B4GALNT3: variants seen among roughly 807,000 people sequenced by gnomAD.
B4GALNT3 encodes beta-1,4-N-acetyl-galactosaminyltransferase 3.
A neutral mutation model predicts 120.2 loss-of-function variants in B4GALNT3; 86 were observed. The observed-to-expected ratio is 0.72, with a 90% CI of 0.60 to 0.86. The LOEUF (loss-of-function observed/expected upper bound fraction) is 0.86, where lower values mean the gene tolerates loss of function less well. Ranked by LOEUF, B4GALNT3 falls within the 40% of genes least tolerant of loss-of-function variation. The pLI is 0.00. For synonymous variants in B4GALNT3, 518 were observed against 510.4 expected (o/e 1.01, Z -0.20); for missense variants, 1,167 against 1,298.9 (o/e 0.90, Z 1.56).
chr12:511,503 C>T (rs1946559717), intron 1 of B4GALNT3, among the ~76,000 whole-genome samples: 2 of 110,392 alleles, frequency 1.8e-5, no homozygotes, highest in Admixed American at 8.4e-5. Flanking sequence ...CCACCTTCCA[C>T]CTTCCACCTT....
chr12:488,651 T>C (rs117483215), intron 1 of B4GALNT3, among the ~76,000 whole-genome samples: 1 of 152,004 alleles, frequency 6.6e-6, no homozygotes, highest in African/African-American at 2.4e-5. Context: ...TACAAAAAAA[T>C]TTAAAAATTA....
At position 561,754 on chromosome 12, in the gene B4GALNT3, C is replaced by T. The variant is rs1055498778; in HGVS notation, c.*303C>T. 25 of 304,450 alleles carry T rather than the reference C, an allele frequency of 8.2e-5. No homozygotes were observed. Among genetic ancestry groups the T allele is most frequent in the Admixed American group, 5.4e-4 (11 of 20,326 alleles). The allele number at this position is 304,450 out of a possible 1,614,324, so 18.9% of individuals were successfully genotyped here. A position where few individuals can be genotyped will look rare whatever the true frequency, so the allele number is the denominator to read the frequency against. ...GTCAGGAAGGAGAGATCTGACTGAG[C>T]GACACCATCCTCATCCATGAAGGTG... On this transcript the variant is annotated 3_prime_UTR_variant, in exon 20 of 20. Transcript: ENST00000266383.
intron 19 of B4GALNT3, among the ~76,000 whole-genome samples, chr12:560,584 AG>A (rs1269977582): frequency 6.6e-6 from 1 of 152,232 alleles, no homozygotes; most frequent in Non-Finnish European, 1.5e-5. Context: ...TCGAGTGAAA[AG>A]GGGGAAGGTA....
chr12:556,981 T>G, intron 15 of B4GALNT3, 115 bp downstream of exon 15: 1 of 1,119,160 alleles, frequency 8.9e-7, no homozygotes, highest in Non-Finnish European at 1.2e-6. Context: ...AAAGACCACC[T>G]TATAGTTGAG....
At chr12:535,047 AC>A in intron 1 of B4GALNT3, 118 bp from the exon 2 acceptor site, 1 of 759,244 alleles carries the variant, frequency 1.3e-6, no homozygotes, top group Admixed American at 2.8e-5. Flanking sequence ...CTTCCCACCC[AC>A]CCTCTGAAGA....
intron 1 of B4GALNT3, among the ~76,000 whole-genome samples, chr12:475,789 G>A (rs12319180): frequency 0.035 from 5,384 of 152,158 alleles, 115 homozygotes; most frequent in African/African-American, 0.054. Context: ...TTGGTCTTGC[G>A]TGTCCCAGCT....
intron 3 of B4GALNT3, among the ~76,000 whole-genome samples, chr12:538,071 T>C (rs764744254): frequency 2.6e-5 from 4 of 152,188 alleles, no homozygotes; most frequent in Non-Finnish European, 5.9e-5. Context: ...GATCATTTGG[T>C]CTGGTGATCC....
intron 1 of B4GALNT3, among the ~76,000 whole-genome samples, chr12:498,606 A>C (rs1209112190): frequency 6.6e-6 from 1 of 151,722 alleles, no homozygotes; most frequent in African/African-American, 2.4e-5. Flanking sequence ...CAGGAGGAAC[A>C]GGCATCATAG....
intron 1 of B4GALNT3, among the ~76,000 whole-genome samples, chr12:510,402 C>T (rs1203399119): frequency 7.2e-6 from 1 of 138,488 alleles, no homozygotes; most frequent in African/African-American, 2.6e-5. Flanking sequence ...GGGCTAGCAG[C>T]TCCCCCGATC....
intron 1 of B4GALNT3, among the ~76,000 whole-genome samples, chr12:525,235 A>G (rs1248663748): frequency 6.6e-6 from 1 of 151,904 alleles, no homozygotes; most frequent in Non-Finnish European, 1.5e-5. Flanking sequence ...CAGCCTCCCG[A>G]ATAGCTGGGA....
intron 1 of B4GALNT3, among the ~76,000 whole-genome samples, chr12:520,233 A>G (rs1946694135): frequency 6.6e-6 from 1 of 152,216 alleles, no homozygotes; most frequent in African/African-American, 2.4e-5. Flanking sequence ...TGACCCAGCT[A>G]TACATGGGTT....
At chr12:488,229 T>C (rs1259015689) in intron 1 of B4GALNT3, among the ~76,000 whole-genome samples, 1 of 151,986 alleles carries the variant, frequency 6.6e-6, no homozygotes, top group Non-Finnish European at 1.5e-5. Context: ...AAATACTTTC[T>C]CAGACAAACA....
At position 561,541 on chromosome 12, in the gene B4GALNT3, G is replaced by A; in HGVS notation, c.*90G>A. On this transcript the variant is annotated 3_prime_UTR_variant, in exon 20 of 20. Coordinates refer to ENST00000266383, the MANE Select transcript of B4GALNT3 (RefSeq NM_173593.4). ...GCTACTGTTCAGGGATGGGGAGTGG[G>A]GTGACGGCTGGACCCCAAGAGGCCT... The A allele has an allele frequency of 2.8e-6, 3 of 1,056,424 alleles. No individual in the cohort carries two copies. The highest frequency in any genetic ancestry group is 1.4e-5 in the South Asian group (1 of 69,572). 65.4% of individuals were successfully genotyped at this position (1,056,424 alleles called of 1,614,324 possible). A position where few individuals can be genotyped will look rare whatever the true frequency, so the allele number is the denominator to read the frequency against.
At chr12:517,164 C>T (rs1202192232) in intron 1 of B4GALNT3, among the ~76,000 whole-genome samples, 1 of 152,120 alleles carries the variant, frequency 6.6e-6, no homozygotes, top group East Asian at 1.9e-4. Flanking sequence ...CTAGGGAAGT[C>T]ATCAATGTAC....
rs754205009 is a variant in B4GALNT3 at position 549,919 on chromosome 12, C to T, written c.997+7C>T. On this transcript the variant is annotated splice_region_variant and intron_variant, in intron 10 of 19. Coordinates refer to ENST00000266383, the MANE Select transcript of B4GALNT3 (RefSeq NM_173593.4). ...CGGGACACCCTCTATCGAGGTAAGG[C>T]CTCGGCCAGCGCTTGGCGTCCTTTC... 2 of 1,606,726 alleles carry T rather than the reference C, an allele frequency of 1.2e-6. No homozygotes were observed. Among genetic ancestry groups the T allele is most frequent in the Non-Finnish European group, 8.5e-7 (1 of 1,177,144 alleles).
At chr12:518,144 T>C (rs1245485089) in intron 1 of B4GALNT3, among the ~76,000 whole-genome samples, 1 of 152,204 alleles carries the variant, frequency 6.6e-6, no homozygotes, top group Non-Finnish European at 1.5e-5. Context: ...GTGAAACAAC[T>C]GGGCTTTAAG....
chr12:555,263 T>C, intron 14 of B4GALNT3: 1 of 445,152 alleles, frequency 2.2e-6, no homozygotes, highest in Admixed American at 2.4e-5. Flanking sequence ...CCCAGTAGTG[T>C]CTGGCAATAA....
At chr12:511,013 C>CTTTTTTTTTTTTTTTTTTTTTTTT (rs762032000) in intron 1 of B4GALNT3, among the ~76,000 whole-genome samples, 1 of 43,910 alleles carries the variant, frequency 2.3e-5, no homozygotes, top group Admixed American at 3.3e-4. Flanking sequence ...TTTGCCTATT[C>CTTTTTTTTTTTTTTTTTTTTTTTT]TTTTTTTTTT....
At position 479,820 on chromosome 12, in the gene B4GALNT3, C is replaced by G. The variant is rs11063174; in HGVS notation, c.169+19275C>G. On this transcript the variant is annotated intron_variant, in intron 1 of 19. Transcript: ENST00000266383. ...GGGTGATTTCTCTCTCGTTTTTGCT[C>G]ATGTAAGTGCAGTGGATCCTGGAGT... Among the ~76,000 whole-genome samples the G allele has an allele frequency of 7.2e-3, 1,092 of 150,814 alleles. 15 individuals carry two copies. The highest frequency in any genetic ancestry group is 0.01 in the Middle Eastern group (3 of 290).
Sources: gnomAD v4.1 joint callset for allele counts (sites outside exome capture counted in the v4.1 genomes callset) on GRCh38, gnomAD v4.1.1 for gene constraint, MANE v1.5 for transcripts, NCBI Gene and HGNC (gene_info 2026-07-23, HGNC 2026-07-21) for gene names.